ZNF717: variants seen among roughly 807,000 people sequenced by gnomAD.
ZNF717 encodes the protein zinc finger protein 717.
In ZNF717, 9 loss-of-function variants were observed where a neutral mutation model predicts 13.8. The ratio of observed to expected loss-of-function variants is 0.65; its 90% CI spans 0.39 to 1.14. The LOEUF is 1.14. Among genes scored for constraint, ZNF717 ranks in the 50% most tolerant of loss-of-function variants. The pLI is 0.01. For synonymous variants in ZNF717, 327 were observed against 364.1 expected (o/e 0.90, Z 1.16); for missense variants, 1,040 against 1,080.7 (o/e 0.96, Z 0.53).
chr3:75,695,286 A>G (rs1201824500), intron 6 of ZNF717, among the ~76,000 whole-genome samples: 432 of 150,526 alleles, frequency 2.9e-3, no homozygotes, highest in African/African-American at 0.01. Flanking sequence ...AGGATATAAT[A>G]ATTGAACATA....
intron 2 of ZNF717, among the ~76,000 whole-genome samples, chr3:75,768,629 A>AC (rs1022398675): frequency 7.0e-6 from 1 of 143,816 alleles, no homozygotes; most frequent in Non-Finnish European, 1.5e-5. Context: ...GCCCACCACA[A>AC]CCTGATTCAG....
chr3:75,738,482 G>T lies in ZNF717; in HGVS notation c.1141C>A (p.Leu381Ile), dbSNP rs369083569. 3 of 1,531,242 alleles carry T rather than the reference G, an allele frequency of 2.0e-6. No homozygotes were observed. Among genetic ancestry groups the T allele is most frequent in the Admixed American group, 4.0e-5 (2 of 49,654 alleles). 94.9% of individuals were successfully genotyped at this position (1,531,242 alleles called of 1,614,324 possible). ...ECGKTFHCKS[L>I]LTLHHRTHSG... ...TGAGTTCTGTGATGTAAAGTGAGAA[G>T]TGACTTACAGTGAAAAGTTTTTCCA... Residue 381 changes from leucine (L) to isoleucine (I), a missense_variant, in exon 5 of 5, where the codon CTT (leucine) becomes ATT (isoleucine). Leu to Ile is a conservative substitution (Grantham distance 5). Coordinates refer to ENST00000652011, the MANE Select transcript of ZNF717 (RefSeq NM_001290208.3).
chr3:75,703,722 CA>C (rs1226085339), intron 6 of ZNF717, among the ~76,000 whole-genome samples: 1 of 151,474 alleles, frequency 6.6e-6, no homozygotes, highest in East Asian at 1.9e-4. Flanking sequence ...TTCCATCAAA[CA>C]AAATGCACAA....
intron 2 of ZNF717, among the ~76,000 whole-genome samples, chr3:75,770,183 A>G (rs1376270936): frequency 6.6e-6 from 1 of 152,210 alleles, no homozygotes; most frequent in Non-Finnish European, 1.5e-5. Context: ...CAAGAATGAC[A>G]CTGTAAATGT....
intron 2 of ZNF717, among the ~76,000 whole-genome samples, chr3:75,771,484 T>C (rs1274482701): frequency 6.6e-6 from 1 of 152,246 alleles, no homozygotes; most frequent in African/African-American, 2.4e-5. Flanking sequence ...AAGTGGGATC[T>C]GCCAGAGCAG....
intron 6 of ZNF717, among the ~76,000 whole-genome samples, chr3:75,696,196 A>G (rs1446008581): frequency 4.2e-4 from 64 of 152,278 alleles, no homozygotes; most frequent in African/African-American, 1.4e-3. Flanking sequence ...GTGTGCCAAC[A>G]AATTAGAAAA....
rs77118311 is a variant in ZNF717 at position 75,738,122 on chromosome 3, G to A, written c.1501C>T (p.His501Tyr). The A allele has an allele frequency of 2.2e-6, 3 of 1,356,486 alleles. No homozygotes were observed. The South Asian group carries it at 4.3e-5, about 19-fold the overall frequency. The allele number at this position is 1,356,486 out of a possible 1,614,324, so 84.0% of individuals were successfully genotyped here. ...KSFLTIHQWT[H>Y]TGEKPYECNE... is the part of the protein sequence containing the mutation. ...CATTCGTAGGGTTTTTCCCCTGTGT[G>A]AGTCCATTGATGGATAGTGAGGAAT... is the stretch of plus-strand genomic sequence containing the variant. Residue 501 changes from histidine to tyrosine, a missense_variant, in exon 5 of 5, where the codon CAC becomes TAC. Coordinates refer to ENST00000652011, the MANE Select transcript of ZNF717 (RefSeq NM_001290208.3).
At chr3:75,731,268 T>C (rs1424352014), downstream of ZNF717, among the ~76,000 whole-genome samples, 1 of 152,178 alleles carries the variant, frequency 6.6e-6, no homozygotes, top group Non-Finnish European at 1.5e-5. Context: ...TACCAGCTAC[T>C]TGGGAGGCTG....
chr3:75,728,290 G>C (rs1233107421), downstream of ZNF717, among the ~76,000 whole-genome samples: 2 of 152,212 alleles, frequency 1.3e-5, no homozygotes, highest in African/African-American at 4.8e-5. Flanking sequence ...AAATGACCAA[G>C]ACAAATCTCA....
At chr3:75,772,467 C>A (rs1278034423) in intron 2 of ZNF717, among the ~76,000 whole-genome samples, 2 of 152,200 alleles carry the variant, frequency 1.3e-5, no homozygotes, top group South Asian at 2.1e-4. Context: ...GGCTATGACA[C>A]CTTCTTTGGG....
intron 4 of ZNF717, among the ~76,000 whole-genome samples, chr3:75,724,114 C>CCT (rs1938226840): frequency 7.1e-6 from 1 of 140,464 alleles, no homozygotes; most frequent in Non-Finnish European, 1.6e-5. Flanking sequence ...GAAGGGCCTC[C>CCT]AACCGGTAGA....
chr3:75,711,172 T>C (rs1314745205), exon 6 of ZNF717: 1 of 152,206 alleles, frequency 6.6e-6, no homozygotes, highest in African/African-American at 2.4e-5. Context: ...TGAGTAAAAA[T>C]AGAAGAATAC....
intron 2 of ZNF717, among the ~76,000 whole-genome samples, chr3:75,747,513 G>C (rs1439791736): frequency 5.9e-5 from 9 of 152,104 alleles, no homozygotes; most frequent in Non-Finnish European, 1.3e-4. Flanking sequence ...TCTTCTACTG[G>C]TTTGTGTCCT....
chr3:75,713,288 C>A (rs1575717282), intron 5 of ZNF717, among the ~76,000 whole-genome samples: 2 of 151,828 alleles, frequency 1.3e-5, no homozygotes, highest in Non-Finnish European at 2.9e-5. Context: ...GTAGCTGGGA[C>A]TACAGGCATG....
intron 2 of ZNF717, among the ~76,000 whole-genome samples, chr3:75,753,420 T>C (rs1942115885): frequency 6.6e-6 from 1 of 151,684 alleles, no homozygotes; most frequent in African/African-American, 2.4e-5. Flanking sequence ...TCACATAGGA[T>C]TCCTGAACAC....
At chr3:75,774,940 T>C (rs936561671) in intron 2 of ZNF717, among the ~76,000 whole-genome samples, 11 of 151,596 alleles carry the variant, frequency 7.3e-5, no homozygotes, top group Admixed American at 6.6e-5. Flanking sequence ...AATTCTAATA[T>C]GTCTATATGC....
chr3:75,769,396 G>C (rs1035241124), intron 2 of ZNF717, among the ~76,000 whole-genome samples: 23 of 152,194 alleles, frequency 1.5e-4, no homozygotes, highest in Middle Eastern at 3.4e-3. Context: ...CCAGCCACTA[G>C]AGTCCTTCCA....
At chr3:75,777,393 G>A (rs1944407560) in intron 2 of ZNF717, among the ~76,000 whole-genome samples, 2 of 151,934 alleles carry the variant, frequency 1.3e-5, no homozygotes, top group South Asian at 4.2e-4. Flanking sequence ...AAAAACAATG[G>A]GAGTGATGTG....
chr3:75,712,943 A>G (rs1219047788), intron 5 of ZNF717, among the ~76,000 whole-genome samples: 1 of 128,516 alleles, frequency 7.8e-6, no homozygotes, highest in Non-Finnish European at 1.6e-5. Flanking sequence ...ACACTTTTAT[A>G]TAGAATTATA....
Sources: allele counts gnomAD v4.1 joint callset (sites outside exome capture counted in the v4.1 genomes callset), GRCh38; gene constraint gnomAD v4.1.1; transcripts MANE v1.5; gene names NCBI Gene and HGNC (gene_info 2026-07-23, HGNC 2026-07-21).